PCDH15: variants seen among roughly 807,000 people sequenced by gnomAD.
The protein encoded by PCDH15 is protocadherin related 15.
A neutral mutation model predicts 178.5 loss-of-function variants in PCDH15; 129 were observed. That is an observed-to-expected ratio of 0.72 (90% CI 0.63 to 0.84). The LOEUF (loss-of-function observed/expected upper bound fraction) is 0.84. Among genes scored for constraint, PCDH15 ranks in the 40% least tolerant of loss-of-function variants. The pLI is 0.00. For missense variants in PCDH15, 2,230 were observed against 2,099.9 expected (o/e 1.06, Z -1.21); for synonymous variants, 800 against 732.0 (o/e 1.09, Z -1.50).
chr10:54,237,655 A>G (rs993486871), intron 8 of PCDH15, among the ~76,000 whole-genome samples: 2 of 152,126 alleles, frequency 1.3e-5, no homozygotes, highest in Admixed American at 6.5e-5. Flanking sequence ...GCTACCCTCA[A>G]CTCTGTCATT....
intron 3 of PCDH15, among the ~76,000 whole-genome samples, chr10:54,861,207 A>G (rs573001097): frequency 1.3e-5 from 2 of 152,246 alleles, no homozygotes; most frequent in Admixed American, 6.5e-5. Flanking sequence ...GTAAAGGCAG[A>G]TGCATTGATA....
chr10:54,959,707 C>A (rs553852216), intron 2 of PCDH15, among the ~76,000 whole-genome samples: 1 of 151,838 alleles, frequency 6.6e-6, no homozygotes, highest in Non-Finnish European at 1.5e-5. Flanking sequence ...TGTCTATCAT[C>A]GAATTTAGAG....
At chr10:54,492,799 T>C (rs2137169454) in intron 3 of PCDH15, among the ~76,000 whole-genome samples, 1 of 152,284 alleles carries the variant, frequency 6.6e-6, no homozygotes, top group African/African-American at 2.4e-5. Flanking sequence ...GCCTTTAATT[T>C]ATAAATTAAA....
chr10:53,870,631 G>C lies in PCDH15; in HGVS notation c.3502-3774C>G, dbSNP rs186573039. Among the ~76,000 whole-genome samples the C allele has an allele frequency of 5.1e-3, 782 of 152,106 alleles. 5 individuals carry two copies. Among genetic ancestry groups the C allele is most frequent in the Non-Finnish European group, 7.0e-3 (476 of 67,982 alleles). On this transcript the variant is annotated intron_variant, in intron 26 of 37. Transcript: ENST00000644397. Reference sequence around the variant, plus strand: ...ACAGTGACTGATGAAAATTCCAATGGGTGCCATACTTAAGAGCAATTGCAT... The same window carrying C: ...ACAGTGACTGATGAAAATTCCAATGCGTGCCATACTTAAGAGCAATTGCAT...
chr10:54,547,730 C>CA (rs1224630474), intron 2 of PCDH15, among the ~76,000 whole-genome samples: 3 of 151,984 alleles, frequency 2.0e-5, no homozygotes, highest in Non-Finnish European at 4.4e-5. Flanking sequence ...GAACAAAGAC[C>CA]AGATGCATAT....
At chr10:54,308,396 A>T (rs564761567) in intron 8 of PCDH15, among the ~76,000 whole-genome samples, 1 of 152,090 alleles carries the variant, frequency 6.6e-6, no homozygotes, top group Non-Finnish European at 1.5e-5. Flanking sequence ...TGTTCATACA[A>T]CTAAACTAAC....
chr10:54,977,829 A>C (rs1391169073), intron 2 of PCDH15, among the ~76,000 whole-genome samples: 1 of 152,200 alleles, frequency 6.6e-6, no homozygotes, highest in African/African-American at 2.4e-5. Flanking sequence ...TGGTATTCAC[A>C]ACATTGTATT....
chr10:54,618,859 A>G (rs887282255), intron 2 of PCDH15, among the ~76,000 whole-genome samples: 3 of 152,076 alleles, frequency 2.0e-5, no homozygotes, highest in African/African-American at 7.2e-5. Context: ...AGAGATAGCT[A>G]TATATAGAGA....
At chr10:53,988,459 G>A (rs1462112785) in intron 21 of PCDH15, among the ~76,000 whole-genome samples, 1 of 152,258 alleles carries the variant, frequency 6.6e-6, no homozygotes, top group Middle Eastern at 3.4e-3. Context: ...ACCTCAGGCT[G>A]TGACACAGTC....
At chr10:54,831,563 A>C (rs570352504) in intron 3 of PCDH15, among the ~76,000 whole-genome samples, 1 of 152,262 alleles carries the variant, frequency 6.6e-6, no homozygotes, top group Admixed American at 6.5e-5. Context: ...TGTGTGAACT[A>C]TATACTGTAG....
chr10:54,519,411 A>C (rs1264536227), intron 3 of PCDH15, among the ~76,000 whole-genome samples: 1 of 151,788 alleles, frequency 6.6e-6, no homozygotes, highest in Non-Finnish European at 1.5e-5. Context: ...ATTCTTATAC[A>C]CCAATAACAG....
chr10:55,623,518 T>A (rs1206663240), intron 2 of PCDH15, among the ~76,000 whole-genome samples: 3 of 152,008 alleles, frequency 2.0e-5, no homozygotes, highest in East Asian at 1.9e-4. Context: ...AAATGTAGTA[T>A]GTGGAAGAAG....
chr10:54,839,026 C>T (rs1012459531), intron 3 of PCDH15, among the ~76,000 whole-genome samples: 13 of 152,138 alleles, frequency 8.5e-5, no homozygotes, highest in Non-Finnish European at 2.9e-5. Context: ...GAGAATCCAA[C>T]AAGAAGTGGT....
At position 53,836,562 on chromosome 10, in the gene PCDH15, G is replaced by T. The variant is rs189919584; in HGVS notation, c.3983+3758C>A. Among the ~76,000 whole-genome samples the T allele has an allele frequency of 2.6e-3, 392 of 152,280 alleles. 2 individuals are homozygous for T. The highest frequency in any genetic ancestry group is 9.0e-3 in the African/African-American group (372 of 41,552). Reference sequence around the variant, plus strand: ...AGTTGACACCATTCCACCAATAAAAGAATTTTTGAAGCTTTTGGCACAGTG... The same window carrying T: ...AGTTGACACCATTCCACCAATAAAATAATTTTTGAAGCTTTTGGCACAGTG... On this transcript the variant is annotated intron_variant, in intron 29 of 37. Coordinates refer to ENST00000644397, the MANE Select transcript of PCDH15 (RefSeq NM_001384140.1).
intron 2 of PCDH15, among the ~76,000 whole-genome samples, chr10:55,455,399 A>C (rs1359739050): frequency 3.3e-5 from 5 of 152,186 alleles, no homozygotes; most frequent in Non-Finnish European, 5.9e-5. Context: ...ATTACAATTC[A>C]GATCATGTTA....
chr10:54,789,566 C>T (rs890536876), intron 1 of PCDH15, among the ~76,000 whole-genome samples: 2 of 151,816 alleles, frequency 1.3e-5, no homozygotes, highest in Non-Finnish European at 2.9e-5. Context: ...ATCATAATCA[C>T]TATTTTACAG....
At chr10:54,463,873 A>T (rs2077352462) in intron 3 of PCDH15, among the ~76,000 whole-genome samples, 1 of 152,182 alleles carries the variant, frequency 6.6e-6, no homozygotes, top group Non-Finnish European at 1.5e-5. Flanking sequence ...AAATAAATAT[A>T]GGTACTCAAG....
In PCDH15 at chr10:53,827,440, C is replaced by CGGA; in HGVS notation, c.4319_4320insTCC (p.Pro1443dup). ...CATAGAGATGCGCACCTGGCGGAGG[C>CGGA]GGCGGCGGCGGCGGGGGCGCTGCCA... On this transcript the variant is annotated inframe_insertion, in exon 32 of 38. Coordinates refer to ENST00000644397, the MANE Select transcript of PCDH15 (RefSeq NM_001384140.1). 1 of 1,589,326 alleles carries CGGA rather than the reference C, an allele frequency of 6.3e-7. No individual in the cohort carries two copies. Among genetic ancestry groups the CGGA allele is most frequent in the Non-Finnish European group, 8.6e-7 (1 of 1,165,654 alleles).
intron 15 of PCDH15, among the ~76,000 whole-genome samples, chr10:54,102,376 G>A (rs2094829080): frequency 6.6e-6 from 1 of 152,228 alleles, no homozygotes; most frequent in Admixed American, 6.5e-5. Context: ...GTCAATGGCT[G>A]TATATCAGGT....
Sources: gnomAD v4.1 joint callset for allele counts (sites outside exome capture counted in the v4.1 genomes callset) on GRCh38, gnomAD v4.1.1 for gene constraint, MANE v1.5 for transcripts, NCBI Gene and HGNC (gene_info 2026-07-23, HGNC 2026-07-21) for gene names.